LRP1B: variants seen among roughly 807,000 people sequenced by gnomAD.
LRP1B encodes the protein low-density lipoprotein receptor-related protein 1B.
Under a neutral mutation model 556.6 loss-of-function variants are expected in LRP1B, and 217 were observed. The observed-to-expected ratio is 0.39, with a 90% CI of 0.35 to 0.44. LRP1B has a LOEUF of 0.44. Ranked by LOEUF, LRP1B falls within the 20% of genes least tolerant of loss-of-function variation. LRP1B has a pLI of 1.00. For synonymous variants in LRP1B, 2,047 were observed against 1,865.8 expected, an observed-to-expected ratio of 1.10 and a Z score of -2.50; for missense variants, 5,053 against 5,620.8, an observed-to-expected ratio of 0.90 and a Z score of 3.23.
intron 3 of LRP1B, among the ~76,000 whole-genome samples, chr2:141,362,324 AATGATGACATGCATTGC>A (rs1688854335): frequency 6.6e-6 from 1 of 152,206 alleles, no homozygotes; most frequent in Non-Finnish European, 1.5e-5. Context: ...TTTGGTTGGT[AATGATGACATGCATTGC>A]ATTTTGGGAA....
intron 1 of LRP1B, among the ~76,000 whole-genome samples, chr2:141,830,333 C>A (rs1404632145): frequency 6.6e-6 from 1 of 151,724 alleles, no homozygotes; most frequent in South Asian, 2.1e-4. Flanking sequence ...AACCTCATCA[C>A]CTCCCACCTT....
chr2:141,277,492 T>C (rs1685346099), intron 3 of LRP1B, among the ~76,000 whole-genome samples: 1 of 152,102 alleles, frequency 6.6e-6, no homozygotes, highest in South Asian at 2.1e-4. Flanking sequence ...TTGCCTTCAG[T>C]GTTAACTGTG....
intron 23 of LRP1B, among the ~76,000 whole-genome samples, chr2:140,887,128 G>T (rs972685975): frequency 6.6e-6 from 1 of 152,110 alleles, no homozygotes; most frequent in African/African-American, 2.4e-5. Context: ...TTATTGCACA[G>T]TATTGTTTTT....
chr2:140,940,128 G>A (rs1025343085), intron 20 of LRP1B, among the ~76,000 whole-genome samples: 14 of 151,846 alleles, frequency 9.2e-5, no homozygotes, highest in Admixed American at 2.6e-4. Flanking sequence ...CAAGTGATCC[G>A]TCTGCTTCAG....
At chr2:141,056,594 G>A (rs1215645173) in intron 9 of LRP1B, among the ~76,000 whole-genome samples, 1 of 151,844 alleles carries the variant, frequency 6.6e-6, no homozygotes, top group African/African-American at 2.4e-5. Context: ...TGGTCAATTG[G>A]ATTTAAGAAG....
chr2:141,718,706 G>A (rs886110202), intron 2 of LRP1B, among the ~76,000 whole-genome samples: 3 of 152,216 alleles, frequency 2.0e-5, no homozygotes, highest in South Asian at 2.1e-4. Flanking sequence ...AGAACATCCC[G>A]TTAAGCATTT....
chr2:140,398,813 T>TC lies in LRP1B; in HGVS notation c.10415-12805dup, dbSNP rs1332014881. On this transcript the variant is annotated intron_variant, in intron 66 of 90. Transcript: ENST00000389484. ...AAATTTTCCCATATTATTATTTGTT[T>TC]CCCTATAGGTTCATCTCCTTGGAAC... Among the ~76,000 whole-genome samples, 4 of 152,290 alleles carry TC rather than the reference T, an allele frequency of 2.6e-5. No individual in the cohort carries two copies. In the South Asian group the frequency reaches 8.3e-4, roughly 32 times the overall value.
chr2:140,307,761 G>C lies in LRP1B; in HGVS notation c.12805+7174C>G, dbSNP rs115342016. Among the ~76,000 whole-genome samples the C allele has an allele frequency of 4.0e-3, 600 of 151,732 alleles. 1 individual carries two copies. The highest frequency in any genetic ancestry group is 8.2e-3 in the Admixed American group (124 of 15,196). On this transcript the variant is annotated intron_variant, in intron 83 of 90. Transcript: ENST00000389484. ...TTCTTTGATATGGGCAGATAGTGTT[G>C]ATTTTCAGTGATAATAAGTAATGTA... is the stretch of plus-strand genomic sequence containing the variant.
intron 2 of LRP1B, among the ~76,000 whole-genome samples, chr2:141,719,164 C>G (rs1410980409): frequency 6.6e-6 from 1 of 152,044 alleles, no homozygotes. Flanking sequence ...AATATTAAAT[C>G]TAGTGATACA....
At chr2:140,768,315 ATTCT>A (rs1412095788) in intron 35 of LRP1B, among the ~76,000 whole-genome samples, 1 of 151,870 alleles carries the variant, frequency 6.6e-6, no homozygotes, top group Non-Finnish European at 1.5e-5. Context: ...GATTACAATG[ATTCT>A]TTTTTTTAAT....
chr2:141,760,483 T>G (rs77115505), intron 2 of LRP1B, among the ~76,000 whole-genome samples: 3,518 of 152,278 alleles, frequency 0.023, 124 homozygotes, highest in African/African-American at 0.079. Context: ...TTAAAGAAAT[T>G]TATTATTTTA....
intron 3 of LRP1B, among the ~76,000 whole-genome samples, chr2:141,348,323 A>G (rs1270308236): frequency 2.0e-5 from 3 of 152,018 alleles, no homozygotes; most frequent in Admixed American, 2.0e-4. Flanking sequence ...TGTACTGAAA[A>G]TAGGGATGAA....
intron 67 of LRP1B, among the ~76,000 whole-genome samples, chr2:140,380,454 G>A (rs911378493): frequency 8.6e-5 from 13 of 151,990 alleles, no homozygotes; most frequent in Admixed American, 4.6e-4. Context: ...AAGCCATTTC[G>A]CCCTCCTGGT....
At chr2:140,331,120 G>A (rs987724648) in intron 79 of LRP1B, among the ~76,000 whole-genome samples, 1 of 152,086 alleles carries the variant, frequency 6.6e-6, no homozygotes, top group South Asian at 2.1e-4. Context: ...ATACACACAT[G>A]TGTATGTTCA....
intron 41 of LRP1B, among the ~76,000 whole-genome samples, chr2:140,609,560 A>G (rs2105220999): frequency 6.6e-6 from 1 of 152,300 alleles, no homozygotes; most frequent in East Asian, 1.9e-4. Context: ...CCCAATCTTA[A>G]TTATCCATAT....
intron 20 of LRP1B, among the ~76,000 whole-genome samples, chr2:140,924,046 A>C (rs1205861604): frequency 1.3e-5 from 2 of 152,018 alleles, no homozygotes; most frequent in Non-Finnish European, 2.9e-5. Context: ...CCAAAGTTTT[A>C]ATGTAACAAA....
At chr2:141,531,891 C>T (rs1157861424) in intron 2 of LRP1B, among the ~76,000 whole-genome samples, 2 of 152,208 alleles carry the variant, frequency 1.3e-5, no homozygotes, top group South Asian at 4.2e-4. Context: ...ATTGACATTC[C>T]ACTATACTTC....
At chr2:140,752,518 TTTTGCCATA>T (rs1262555461) in intron 35 of LRP1B, among the ~76,000 whole-genome samples, 3 of 151,886 alleles carry the variant, frequency 2.0e-5, no homozygotes, top group Non-Finnish European at 4.4e-5. Flanking sequence ...AGAGACAGGG[TTTTGCCATA>T]TTGGCCAGGC....
At chr2:141,098,301 CA>C (rs772617688) in intron 7 of LRP1B, among the ~76,000 whole-genome samples, 1 of 152,206 alleles carries the variant, frequency 6.6e-6, no homozygotes, top group East Asian at 1.9e-4. Flanking sequence ...GGTTATTATT[CA>C]AATATCTACA....
Sources: allele counts gnomAD v4.1 joint callset (sites outside exome capture counted in the v4.1 genomes callset), GRCh38; gene constraint gnomAD v4.1.1; transcripts MANE v1.5; gene names NCBI Gene and HGNC (gene_info 2026-07-23, HGNC 2026-07-21).